STK32B: variants seen among roughly 807,000 people sequenced by gnomAD.
The protein encoded by STK32B is serine/threonine-protein kinase 32B.
STK32B carries 43 observed loss-of-function variants against 52.6 expected under a neutral mutation model. That is an observed-to-expected ratio of 0.82 (90% CI 0.64 to 1.05). The LOEUF is 1.05. STK32B is among the 50% of genes least tolerant of loss of function. The pLI, the probability that STK32B is intolerant of heterozygous loss-of-function variation, is 0.00. For missense variants in STK32B, 621 were observed against 534.6 expected (o/e 1.16, Z -1.59); for synonymous variants, 238 against 204.3 (o/e 1.17, Z -1.41).
chr4:5,266,308 A>G (rs1316174932), intron 3 of STK32B, among the ~76,000 whole-genome samples: 1 of 152,242 alleles, frequency 6.6e-6, no homozygotes, highest in Non-Finnish European at 1.5e-5. Flanking sequence ...CAGTTATAAA[A>G]CACACTCTGC....
intron 4 of STK32B, among the ~76,000 whole-genome samples, chr4:5,346,669 C>T (rs1241000750): frequency 6.6e-6 from 1 of 152,196 alleles, no homozygotes; most frequent in Non-Finnish European, 1.5e-5. Flanking sequence ...AGTGACTGCT[C>T]TGGACATGAT....
Position 5,449,978 on chromosome 4 carries a change from T to C in STK32B, c.666+3202T>C, listed in dbSNP as rs1373515031. ...TCATAATAATAAAGTGTAGAATAAA[T>C]GTAATGCACTTGGATCACCCTGAAA... is the stretch of plus-strand genomic sequence containing the variant. On this transcript the variant is annotated intron_variant, in intron 7 of 11. Transcript: ENST00000282908. Among the ~76,000 whole-genome samples the C allele has an allele frequency of 1.3e-5, 2 of 152,142 alleles. 1 individual carries two copies. Among genetic ancestry groups the C allele is most frequent in the Non-Finnish European group, 2.9e-5 (2 of 68,036 alleles).
At chr4:5,127,393 G>C (rs1715469126) in intron 1 of STK32B, among the ~76,000 whole-genome samples, 1 of 152,172 alleles carries the variant, frequency 6.6e-6, no homozygotes, top group Admixed American at 6.5e-5. Context: ...GGGCTGTGGT[G>C]AATTGACAGA....
In STK32B at chr4:5,380,059, C is replaced by T. The variant is rs569636798; in HGVS notation, c.435-18148C>T. 7.9e-5 allele frequency among the ~76,000 whole-genome samples: 12 copies of T among 152,150 alleles called. No individual in the cohort carries two copies. Among genetic ancestry groups the T allele is most frequent in the Admixed American group, 1.3e-4 (2 of 15,276 alleles). ...CTGAGGAAAACCACTGCCTCGATCACGGGGCTATGCTCACTGTGCAGAGCA... is the reference window on the plus strand; with the variant it reads ...CTGAGGAAAACCACTGCCTCGATCATGGGGCTATGCTCACTGTGCAGAGCA... On this transcript the variant is annotated intron_variant, in intron 4 of 11. Transcript: ENST00000282908. This position sits in a 1 kb window ranked among gnomAD's most constrained non-coding sequence, Gnocchi z 4.3.
intron 1 of STK32B, among the ~76,000 whole-genome samples, chr4:5,137,224 T>G (rs1342437824): frequency 6.6e-6 from 1 of 152,162 alleles, no homozygotes; most frequent in African/African-American, 2.4e-5. Flanking sequence ...TGCTGAAGCC[T>G]AGAATTAGCT....
In STK32B at chr4:5,396,621, C is replaced by G. The variant is rs1364706810; in HGVS notation, c.435-1586C>G. Among the ~76,000 whole-genome samples the G allele has an allele frequency of 6.6e-6, 1 of 152,170 alleles. No homozygotes were observed. Among genetic ancestry groups the G allele is most frequent in the Non-Finnish European group, 1.5e-5 (1 of 68,026 alleles). The stretch of plus-strand genomic sequence containing the variant: ...TGTGGCCCTTGTAGGCATTTTGTAG[C>G]TCACATTCCCTGGGCCACAGCCATC... On this transcript the variant is annotated intron_variant, in intron 4 of 11. Coordinates refer to ENST00000282908, the MANE Select transcript of STK32B (RefSeq NM_018401.3). The surrounding 1 kb of genome is among the most constrained non-coding windows in gnomAD (Gnocchi z 4.7).
intron 3 of STK32B, among the ~76,000 whole-genome samples, chr4:5,313,991 T>A (rs773643088): frequency 6.6e-6 from 1 of 152,134 alleles, no homozygotes; most frequent in Non-Finnish European, 1.5e-5. Context: ...ATAGTAAAGA[T>A]AACAGTTGTC....
At chr4:5,068,322 CTG>C (rs1560134953) in intron 1 of STK32B, among the ~76,000 whole-genome samples, 1 of 152,182 alleles carries the variant, frequency 6.6e-6, no homozygotes, top group African/African-American at 2.4e-5. Flanking sequence ...TAATACCACT[CTG>C]TAAGCCTTTG....
At chr4:5,136,883 T>G (rs1477019325) in intron 1 of STK32B, among the ~76,000 whole-genome samples, 1 of 152,192 alleles carries the variant, frequency 6.6e-6, no homozygotes, top group Non-Finnish European at 1.5e-5. Context: ...GTGCTCAAAG[T>G]CATCTACATC....
chr4:5,055,789 A>G (rs1741981262), intron 1 of STK32B, among the ~76,000 whole-genome samples: 1 of 151,854 alleles, frequency 6.6e-6, no homozygotes, highest in African/African-American at 2.4e-5. Context: ...TCGGGTCTCC[A>G]GGAAAATGTT....
chr4:5,330,361 G>A (rs1421708510), intron 3 of STK32B, among the ~76,000 whole-genome samples: 1 of 152,172 alleles, frequency 6.6e-6, no homozygotes, highest in African/African-American at 2.4e-5. Flanking sequence ...TCTATGTGTT[G>A]GCTCTTCAGT....
chr4:5,213,058 A>G (rs1171755798), intron 3 of STK32B, among the ~76,000 whole-genome samples: 2 of 152,204 alleles, frequency 1.3e-5, no homozygotes, highest in Non-Finnish European at 2.9e-5. Context: ...ACGTACATAT[A>G]GATAATCTCG....
chr4:5,126,983 C>A, intron 1 of STK32B: 2 of 426,028 alleles, frequency 4.7e-6, no homozygotes, highest in South Asian at 3.4e-5. Context: ...ACTGTCTATT[C>A]CCTCTCCTTT....
intron 6 of STK32B, chr4:5,438,137 C>G: frequency 1.0e-6 from 1 of 985,224 alleles, no homozygotes; most frequent in East Asian, 1.1e-4. Context: ...GTGCACCCTG[C>G]GCTATTGGAG....
intron 4 of STK32B, among the ~76,000 whole-genome samples, chr4:5,372,449 C>G (rs939972848): frequency 2.6e-5 from 4 of 152,116 alleles, no homozygotes; most frequent in Admixed American, 2.6e-4. Flanking sequence ...CCAGGACTCC[C>G]GACCTCTCAC....
At chr4:5,368,287 T>A (rs998922840) in intron 4 of STK32B, among the ~76,000 whole-genome samples, 3 of 151,332 alleles carry the variant, frequency 2.0e-5, no homozygotes, top group Non-Finnish European at 1.5e-5. Flanking sequence ...GAGTTAGGTC[T>A]ACTATTATTC....
chr4:5,359,144 C>T (rs894673697), intron 4 of STK32B, among the ~76,000 whole-genome samples: 2 of 152,044 alleles, frequency 1.3e-5, no homozygotes, highest in African/African-American at 2.4e-5. Context: ...TTTTTGAAAC[C>T]GTTCCTTAAA....
At chr4:5,022,841 G>A in the STK32B span, among the ~76,000 whole-genome samples, 4 of 152,128 alleles carry the variant, frequency 2.6e-5, no homozygotes, top group Non-Finnish European at 4.4e-5. Context: ...CTATCCTCTC[G>A]GAGGAGATTG....
At chr4:5,359,355 C>T (rs1414402038) in intron 4 of STK32B, among the ~76,000 whole-genome samples, 2 of 151,982 alleles carry the variant, frequency 1.3e-5, no homozygotes, top group African/African-American at 4.8e-5. Flanking sequence ...ACCCATCCAT[C>T]CACTCATCCA....
Sources: allele counts gnomAD v4.1 joint callset (sites outside exome capture counted in the v4.1 genomes callset), GRCh38; gene constraint gnomAD v4.1.1; non-coding constraint Gnocchi (gnomAD v3.1); transcripts MANE v1.5; gene names NCBI Gene and HGNC (gene_info 2026-07-23, HGNC 2026-07-21).